ENTPD8: variants seen among roughly 807,000 people sequenced by gnomAD.
ENTPD8 encodes the protein ectonucleoside triphosphate diphosphohydrolase 8, also known as E-NTPDase 8.
In ENTPD8, 35 loss-of-function variants were observed where a neutral mutation model predicts 47.0. That is an observed-to-expected ratio of 0.75 (90% CI 0.57 to 0.99). ENTPD8 has a LOEUF of 0.99. Among genes scored for constraint, ENTPD8 ranks in the 50% least tolerant of loss-of-function variants. The probability of loss-of-function intolerance (pLI) is 0.00; values close to 1 mark genes in which losing one functional copy is unlikely to be tolerated. For missense variants in ENTPD8, 668 were observed against 649.9 expected (o/e 1.03, Z -0.30); for synonymous variants, 308 against 290.5 (o/e 1.06, Z -0.61).
rs1381990837 is a variant in ENTPD8, at chr9:137,435,791, G to A, written c.1089C>T (p.Asn363=). ...SNFYYTFHFL[N]LTSRQPLSTV... is the part of the protein sequence containing the mutation. ...TGCTCAGGGGCTGCCTGGAGGTGAG[G>A]TTCAGGAAGTGGAAGGTGTAGTAGA... Residue 363 remains asparagine, a synonymous_variant, in exon 8 of 10, where the codon AAC becomes AAT. Coordinates refer to ENST00000371506, the MANE Select transcript of ENTPD8 (RefSeq NM_001033113.2). 1.2e-6 allele frequency: 2 copies of A among 1,613,676 alleles called. No homozygotes were observed. The highest frequency in any genetic ancestry group is 1.7e-6 in the Non-Finnish European group (2 of 1,179,932).
chr9:137,434,419 A>C lies in ENTPD8; in HGVS notation c.*495T>G. On this transcript the variant is annotated 3_prime_UTR_variant, in exon 10 of 10. Coordinates refer to ENST00000371506, the MANE Select transcript of ENTPD8 (RefSeq NM_001033113.2). ...AACCCCCACTGCAGTCTCACCCTCC[A>C]AGTGGGTGTGGGAGGCCGGGCTGGC... is the stretch of plus-strand genomic sequence containing the variant. The C allele has an allele frequency of 6.7e-7, 1 of 1,498,344 alleles. No individual in the cohort carries two copies. Among genetic ancestry groups the C allele is most frequent in the Non-Finnish European group, 8.9e-7 (1 of 1,119,538 alleles). The allele number at this position is 1,498,344 out of a possible 1,614,324, so 92.8% of individuals were successfully genotyped here. A position where few individuals can be genotyped will look rare whatever the true frequency, so the allele number is the denominator to read the frequency against.
At chr9:137,439,284 G>A (rs561425929) in intron 1 of ENTPD8, among the ~76,000 whole-genome samples, 108 of 152,206 alleles carry the variant, frequency 7.1e-4, no homozygotes, top group Non-Finnish European at 1.3e-3. Context: ...CTGCCCAAAC[G>A]CCCAGCAAGG....
chr9:137,438,383 C>A lies in ENTPD8; in HGVS notation c.-20-78G>T. 1 of 1,407,764 alleles carries A rather than the reference C, an allele frequency of 7.1e-7. No homozygotes were observed. The highest frequency in any genetic ancestry group is 9.3e-7 in the Non-Finnish European group (1 of 1,072,322). 87.2% of individuals were successfully genotyped at this position (1,407,764 alleles called of 1,614,324 possible). A position where few individuals can be genotyped will look rare whatever the true frequency, so the allele number is the denominator to read the frequency against. ...CCCTCCAGAGGCAGAGGCTTCGCTCCCCGTCTCCCTGGAGACGCACCCCTG... is the reference window on the plus strand; with the variant it reads ...CCCTCCAGAGGCAGAGGCTTCGCTCACCGTCTCCCTGGAGACGCACCCCTG... On this transcript the variant is annotated intron_variant, in intron 1 of 9. Transcript: ENST00000371506. The surrounding 1 kb of genome is among the most constrained non-coding windows in gnomAD (Gnocchi z 5.7).
In ENTPD8 at chr9:137,434,957, ACCG is replaced by A; in HGVS notation, c.1442_1444del (p.Ala481del). On this transcript the variant is annotated inframe_deletion, in exon 10 of 10. Transcript: ENST00000371506. Reference sequence around the variant, plus strand: ...GAGCTGGACCAAGGCAGCCCCCACCACCGCCACCAGGGCCAGCACCATGAACAC... The same window carrying A: ...GAGCTGGACCAAGGCAGCCCCCACCACCACCAGGGCCAGCACCATGAACAC... The A allele has an allele frequency of 1.2e-6, 2 of 1,612,628 alleles. No individual in the cohort carries two copies. The highest frequency in any genetic ancestry group is 1.7e-6 in the Non-Finnish European group (2 of 1,179,742).
Position 137,435,120 on chromosome 9 carries a change from G to T in ENTPD8, c.1297-15C>A. On this transcript the variant is annotated splice_polypyrimidine_tract_variant and intron_variant, in intron 9 of 9. Coordinates refer to ENST00000371506, the MANE Select transcript of ENTPD8 (RefSeq NM_001033113.2). Reference sequence around the variant, plus strand: ...ACACCGCCCGCCTGCGGGACACACGGCTGCTCAGGGCTGCGGGGCAGCTAC... The same window carrying T: ...ACACCGCCCGCCTGCGGGACACACGTCTGCTCAGGGCTGCGGGGCAGCTAC... 6.2e-7 allele frequency: 1 copy of T among 1,604,148 alleles called. No individual in the cohort carries two copies. Among genetic ancestry groups the T allele is most frequent in the Non-Finnish European group, 8.5e-7 (1 of 1,176,342 alleles).
intron 1 of ENTPD8, among the ~76,000 whole-genome samples, chr9:137,440,228 C>G (rs1302193822): frequency 2.8e-4 from 16 of 56,230 alleles, no homozygotes; most frequent in African/African-American, 3.0e-4. Context: ...GACCAGGACA[C>G]CCCCTCACAC....
rs1564247012 is a variant in ENTPD8 at position 137,436,633 on chromosome 9, C to T, written c.674G>A (p.Ser225Asn). 2 of 1,606,450 alleles carry T rather than the reference C, an allele frequency of 1.2e-6. No individual in the cohort carries two copies. The highest frequency in any genetic ancestry group is 1.7e-6 in the Non-Finnish European group (2 of 1,177,388). Residue 225 changes from serine to asparagine, a missense_variant, in exon 6 of 10, where the codon AGC becomes AAC. By Grantham distance (46) the Ser-to-Asn change is conservative. Transcript: ENST00000371506. ...FVPGGPILDK[S>N]TQADFRLYGS... ...GTAGAGGCGAAAATCGGCCTGGGTG[C>T]TCTTGTCCAAGATGGGGCCCCCAGG...
intron 1 of ENTPD8, among the ~76,000 whole-genome samples, chr9:137,439,574 A>C (rs1454951116): frequency 6.6e-6 from 1 of 152,008 alleles, no homozygotes; most frequent in African/African-American, 2.4e-5. Flanking sequence ...TGTCCGGGGG[A>C]TATAAGCCCA....
At chr9:137,436,368 C>T in intron 6 of ENTPD8, 92 bp from the exon 7 acceptor site, 1 of 1,430,346 alleles carries the variant, frequency 7.0e-7, no homozygotes, top group Non-Finnish European at 9.2e-7. Flanking sequence ...GCCCCGCGCC[C>T]ATACCCTGTG....
chr9:137,434,681 C>T lies in ENTPD8; in HGVS notation c.*233G>A. 1 of 633,474 alleles carries T rather than the reference C, an allele frequency of 1.6e-6. No homozygotes were observed. The highest frequency in any genetic ancestry group is 2.7e-6 in the Non-Finnish European group (1 of 376,510). 39.2% of individuals were successfully genotyped at this position (633,474 alleles called of 1,614,324 possible). A position where few individuals can be genotyped will look rare whatever the true frequency, so the allele number is the denominator to read the frequency against. On this transcript the variant is annotated 3_prime_UTR_variant, in exon 10 of 10. Transcript: ENST00000371506. ...CTGGCGGCCTGTGTGCAGAAAGGCACCTACGGCCCTGGAAGCCCAGTTGCG... is the reference window on the plus strand; with the variant it reads ...CTGGCGGCCTGTGTGCAGAAAGGCATCTACGGCCCTGGAAGCCCAGTTGCG...
In ENTPD8 at chr9:137,438,273, G is replaced by C. The variant is rs781266790; in HGVS notation, c.13C>G (p.Arg5Gly). 1.3e-6 allele frequency: 2 copies of C among 1,587,388 alleles called. No homozygotes were observed. The highest frequency in any genetic ancestry group is 8.6e-7 in the Non-Finnish European group (1 of 1,167,182). MGLS[R>G]KEQVFLALLG... ...AGGGCCAAGAAGACCTGCTCCTTCCGGGACAGCCCCATGGTGCAGGTGGTA... is the reference window on the plus strand; with the variant it reads ...AGGGCCAAGAAGACCTGCTCCTTCCCGGACAGCCCCATGGTGCAGGTGGTA... The change falls in exon 2 of 10, where the codon CGG becomes GGG. Residue 5 changes from arginine to glycine, a missense_variant. Coordinates refer to ENST00000371506, the MANE Select transcript of ENTPD8 (RefSeq NM_001033113.2). This position sits in a 1 kb window ranked among gnomAD's most constrained non-coding sequence, Gnocchi z 5.7.
rs1408824000 is a variant in ENTPD8, at chr9:137,436,137, C to T, written c.926G>A (p.Gly309Glu). ...GACGCAGGCTCCAGGGTTGCCTGTCCCTTCAACTGTGAGGTTCTGGGGGAG... is the reference window on the plus strand; with the variant it reads ...GACGCAGGCTCCAGGGTTGCCTGTCTCTTCAACTGTGAGGTTCTGGGGGAG... ...LSLPQNLTVE[G>E]TGNPGACVSA... The change falls in exon 7 of 10, where the codon GGG (glycine) becomes GAG (glutamate). Residue 309 changes from glycine (G) to glutamate (E), a missense_variant. Transcript: ENST00000371506. The T allele has an allele frequency of 2.5e-6, 4 of 1,613,020 alleles. No homozygotes were observed. The highest frequency in any genetic ancestry group is 3.4e-6 in the Non-Finnish European group (4 of 1,179,988).
intron 1 of ENTPD8, among the ~76,000 whole-genome samples, chr9:137,439,622 A>G (rs1446258253): frequency 6.6e-6 from 1 of 152,060 alleles, no homozygotes; most frequent in African/African-American, 2.4e-5. Flanking sequence ...CAGAGAGGAC[A>G]GGAGGCCGGT....
Position 137,438,640 on chromosome 9 carries a change from ACGGTCTCCCGTGGCC to A in ENTPD8, c.-20-350_-20-336del, listed in dbSNP as rs1839436543. ...CCATAGAGGCATCCCCGGGGCTCAG[ACGGTCTCCCGTGGCC>A]ATAGAGGCATCCCCGGGGCTCAGAC... On this transcript the variant is annotated intron_variant, in intron 1 of 9. Coordinates refer to ENST00000371506, the MANE Select transcript of ENTPD8 (RefSeq NM_001033113.2). This position sits in a 1 kb window ranked among gnomAD's most constrained non-coding sequence, Gnocchi z 5.7. Among the ~76,000 whole-genome samples the A allele has an allele frequency of 1.4e-5, 2 of 142,686 alleles. No individual in the cohort carries two copies. The highest frequency in any genetic ancestry group is 3.1e-5 in the Non-Finnish European group (2 of 64,000). 93.6% of individuals were successfully genotyped at this position (142,686 alleles called of 152,430 possible).
intron 1 of ENTPD8, among the ~76,000 whole-genome samples, chr9:137,439,457 T>C (rs747078706): frequency 6.6e-5 from 10 of 152,244 alleles, no homozygotes; most frequent in South Asian, 2.1e-4. Flanking sequence ...CCGGGAAACG[T>C]TGCACCCACA....
At position 137,436,030 on chromosome 9, in the gene ENTPD8, GCGGGGGCTGGTAGACCC is replaced by G; in HGVS notation, c.1016_1032del (p.Gly339AlafsTer269). On this transcript the variant is annotated frameshift_variant, in exon 7 of 10. Coordinates refer to ENST00000371506, the MANE Select transcript of ENTPD8 (RefSeq NM_001033113.2). LOFTEE classifies it high-confidence loss of function. ...GTGCTCACATAGAACTGGCCCCGCAGCGGGGGCTGGTAGACCCCGTCAAAGGCGCAGTCCTCCTGGCC... is the reference window on the plus strand; with the variant it reads ...GTGCTCACATAGAACTGGCCCCGCAGCGTCAAAGGCGCAGTCCTCCTGGCC... 6.2e-7 allele frequency: 1 copy of G among 1,612,836 alleles called. No homozygotes were observed. The highest frequency in any genetic ancestry group is 8.5e-7 in the Non-Finnish European group (1 of 1,179,968).
intron 3 of ENTPD8, 47 bp downstream of exon 3, chr9:137,437,920 C>T: frequency 6.7e-7 from 1 of 1,501,128 alleles, no homozygotes; most frequent in Non-Finnish European, 9.2e-7. Flanking sequence ...CCCAGCCAGG[C>T]AGCAACAGGC....
rs983090367 is a variant in ENTPD8, at chr9:137,438,723, C to G, written c.-20-418G>C. 2.6e-5 allele frequency among the ~76,000 whole-genome samples: 4 copies of G among 152,092 alleles called. No homozygotes were observed. Among genetic ancestry groups the G allele is most frequent in the Admixed American group, 1.3e-4 (2 of 15,284 alleles). ...ACCACTCCCCAGGAGCCACGCCTGC[C>G]AGGGGTGCCATGGGCATCAGAGGGC... On this transcript the variant is annotated intron_variant, in intron 1 of 9. Transcript: ENST00000371506. The surrounding 1 kb of genome is among the most constrained non-coding windows in gnomAD (Gnocchi z 5.7).
rs1172534914 is a variant in ENTPD8 at position 137,436,281 on chromosome 9, A to G, written c.787-5T>C. The G allele has an allele frequency of 1.3e-6, 2 of 1,577,926 alleles. No homozygotes were observed. Among genetic ancestry groups the G allele is most frequent in the Non-Finnish European group, 1.7e-6 (2 of 1,161,300 alleles). ...GAGCAGGGCAGCCGGGCGGCTCTGC[A>G]GAGGGCAGGGAGGCCTGAGCACCAG... On this transcript the variant is annotated splice_polypyrimidine_tract_variant and splice_region_variant and intron_variant, in intron 6 of 9. Transcript: ENST00000371506.
Sources: gnomAD v4.1 joint callset for allele counts (sites outside exome capture counted in the v4.1 genomes callset) on GRCh38, gnomAD v4.1.1 for gene constraint, Gnocchi (gnomAD v3.1) non-coding constraint, MANE v1.5 for transcripts, NCBI Gene and HGNC (gene_info 2026-07-23, HGNC 2026-07-21) for gene names.